TBC1D22A: variants seen among roughly 807,000 people sequenced by gnomAD.
TBC1D22A encodes TBC1 domain family member 22A, also known as putative GTPase activator.
TBC1D22A carries 38 observed loss-of-function variants against 60.2 expected under a neutral mutation model. That is an observed-to-expected ratio of 0.63 (90% CI 0.49 to 0.83). The LOEUF (loss-of-function observed/expected upper bound fraction) is 0.83, where lower values mean the gene tolerates loss of function less well. TBC1D22A is among the 40% of genes least tolerant of loss of function. The pLI is 0.00. For missense variants in TBC1D22A, 628 were observed against 701.0 expected (o/e 0.90, Z 1.18); for synonymous variants, 302 against 281.7 (o/e 1.07, Z -0.72).
At position 46,762,988 on chromosome 22, in the gene TBC1D22A, G is replaced by T. The variant is rs2146636707; in HGVS notation, c.62+140G>T. The T allele has an allele frequency of 5.4e-6, 4 of 739,064 alleles. No individual in the cohort carries two copies. In the East Asian group the frequency reaches 1.4e-4, roughly 25 times the overall value. The allele number at this position is 739,064 out of a possible 1,614,324, so 45.8% of individuals were successfully genotyped here. On this transcript the variant is annotated intron_variant, in intron 1 of 12. Transcript: ENST00000337137. ...AGGAGACTGCTGGATGGTGTGACGG[G>T]CGTTGGGGGGCTCGGAGGTCGGAGC... is the stretch of plus-strand genomic sequence containing the variant.
intron 4 of TBC1D22A, among the ~76,000 whole-genome samples, chr22:46,863,048 G>A (rs2066891547): frequency 1.3e-5 from 2 of 152,216 alleles, no homozygotes; most frequent in African/African-American, 4.8e-5. Context: ...TGGCATGGCT[G>A]CCCCAGCAGG....
chr22:46,931,219 T>G (rs2071340685), intron 8 of TBC1D22A, among the ~76,000 whole-genome samples: 2 of 152,276 alleles, frequency 1.3e-5, no homozygotes, highest in Non-Finnish European at 2.9e-5. Flanking sequence ...GCCAGAGTTC[T>G]TATTCATTTG....
intron 1 of TBC1D22A, among the ~76,000 whole-genome samples, chr22:46,764,718 G>C (rs1255716895): frequency 1.3e-5 from 2 of 152,286 alleles, no homozygotes; most frequent in East Asian, 1.9e-4. Flanking sequence ...AATACAGAGA[G>C]ACACACACAG....
At chr22:47,167,207 AAGGTAACACCC>A (rs1185864955) in intron 12 of TBC1D22A, among the ~76,000 whole-genome samples, 2 of 152,198 alleles carry the variant, frequency 1.3e-5, no homozygotes, top group Admixed American at 6.5e-5. Flanking sequence ...TACACACAGA[AAGGTAACACCC>A]AGGTAACACC....
chr22:47,108,933 G>A (rs1375054377), intron 11 of TBC1D22A, among the ~76,000 whole-genome samples: 1 of 152,202 alleles, frequency 6.6e-6, no homozygotes, highest in African/African-American at 2.4e-5. Context: ...CTGACCTTGT[G>A]ATCCGCCCGC....
At chr22:47,109,097 C>T (rs1289401447) in intron 11 of TBC1D22A, among the ~76,000 whole-genome samples, 1 of 152,184 alleles carries the variant, frequency 6.6e-6, no homozygotes, top group East Asian at 1.9e-4. Flanking sequence ...ATATTAGACT[C>T]CTTCCTCCTG....
In TBC1D22A at chr22:47,088,580, A is replaced by G. The variant is rs557617565; in HGVS notation, c.1330-22928A>G. 5.3e-5 allele frequency among the ~76,000 whole-genome samples: 8 copies of G among 152,240 alleles called. No homozygotes were observed. The South Asian group carries it at 1.0e-3, about 20-fold the overall frequency. ...AAGGAAAGAGTCAAGAAAGTATTCTATTTTCCTGCTAATCAAATTTTTTTT... is the reference window on the plus strand; with the variant it reads ...AAGGAAAGAGTCAAGAAAGTATTCTGTTTTCCTGCTAATCAAATTTTTTTT... On this transcript the variant is annotated intron_variant, in intron 11 of 12. Coordinates refer to ENST00000337137, the MANE Select transcript of TBC1D22A (RefSeq NM_014346.5).
chr22:47,092,449 A>G (rs1434006155), intron 11 of TBC1D22A, among the ~76,000 whole-genome samples: 1 of 152,130 alleles, frequency 6.6e-6, no homozygotes, highest in Non-Finnish European at 1.5e-5. Context: ...CCCAGGAGAG[A>G]GTGAACGAGG....
intron 10 of TBC1D22A, among the ~76,000 whole-genome samples, chr22:47,023,017 C>T (rs541619097): frequency 5.9e-5 from 9 of 152,236 alleles, no homozygotes; most frequent in East Asian, 1.9e-4. Context: ...TGGAAAAGAT[C>T]GCAGATAATG....
At chr22:47,015,111 G>A (rs111540471) in intron 10 of TBC1D22A, among the ~76,000 whole-genome samples, 22 of 152,372 alleles carry the variant, frequency 1.4e-4, no homozygotes, top group African/African-American at 5.0e-4. Context: ...ACGCAGCAGG[G>A]TGTTTTGGGG....
At chr22:46,991,246 G>A (rs73186548) in intron 9 of TBC1D22A, among the ~76,000 whole-genome samples, 1,908 of 152,274 alleles carry the variant, frequency 0.013, 18 homozygotes, top group Non-Finnish European at 0.02. Flanking sequence ...AATCTGACAC[G>A]TTTGTGCTCT....
At chr22:46,893,222 C>G (rs559552657) in intron 6 of TBC1D22A, among the ~76,000 whole-genome samples, 7 of 152,328 alleles carry the variant, frequency 4.6e-5, no homozygotes, top group African/African-American at 1.7e-4. Flanking sequence ...GATGCTGTGT[C>G]AAAGCCACAT....
At chr22:47,124,848 A>T (rs535654277) in intron 12 of TBC1D22A, among the ~76,000 whole-genome samples, 8 of 152,176 alleles carry the variant, frequency 5.3e-5, no homozygotes, top group African/African-American at 1.9e-4. Context: ...CTGAGGCAGC[A>T]GTGCCGCAGG....
intron 1 of TBC1D22A, among the ~76,000 whole-genome samples, chr22:46,784,502 G>A (rs931323520): frequency 6.6e-6 from 1 of 152,184 alleles, no homozygotes; most frequent in African/African-American, 2.4e-5. Context: ...GTGCAATTTT[G>A]ATTAGATAAA....
At chr22:46,909,490 C>T (rs1401538692) in intron 7 of TBC1D22A, among the ~76,000 whole-genome samples, 1 of 152,156 alleles carries the variant, frequency 6.6e-6, no homozygotes, top group Non-Finnish European at 1.5e-5. Flanking sequence ...CTGCTGGCTG[C>T]CGCGGTCCTC....
At chr22:47,147,229 A>G (rs939362073) in intron 12 of TBC1D22A, among the ~76,000 whole-genome samples, 6 of 152,182 alleles carry the variant, frequency 3.9e-5, no homozygotes. Flanking sequence ...GCAATACTAA[A>G]CCAACTCGGA....
At chr22:46,785,487 T>C (rs1463457466) in intron 1 of TBC1D22A, among the ~76,000 whole-genome samples, 1 of 152,210 alleles carries the variant, frequency 6.6e-6, no homozygotes, top group Non-Finnish European at 1.5e-5. Context: ...TTAAAGTATA[T>C]AATGCAGTGG....
At chr22:47,108,358 G>T (rs2065715930) in intron 11 of TBC1D22A, among the ~76,000 whole-genome samples, 1 of 152,314 alleles carries the variant, frequency 6.6e-6, no homozygotes, top group South Asian at 2.1e-4. Flanking sequence ...AGTGGGTGCT[G>T]CTCAGCATGT....
intron 11 of TBC1D22A, among the ~76,000 whole-genome samples, chr22:47,047,664 A>G (rs1603160507): frequency 6.6e-6 from 1 of 152,196 alleles, no homozygotes; most frequent in South Asian, 2.1e-4. Flanking sequence ...TCAGGCCTGC[A>G]GTTTGATGGG....
Sources: gnomAD v4.1 joint callset for allele counts (sites outside exome capture counted in the v4.1 genomes callset) on GRCh38, gnomAD v4.1.1 for gene constraint, MANE v1.5 for transcripts, NCBI Gene and HGNC (gene_info 2026-07-23, HGNC 2026-07-21) for gene names.